NRXN3: variants seen among roughly 807,000 people sequenced by gnomAD.
NRXN3 encodes the protein neurexin 3, also known as neurexin III.
Under a neutral mutation model 137.6 loss-of-function variants are expected in NRXN3, and 32 were observed. That is an observed-to-expected ratio of 0.23 (90% CI 0.18 to 0.31). NRXN3 has a LOEUF of 0.31. NRXN3 is among the 10% of genes least tolerant of loss of function. The probability of loss-of-function intolerance (pLI) is 1.00; values close to 1 mark genes in which losing one functional copy is unlikely to be tolerated. For missense variants in NRXN3, 1,574 were observed against 2,062.5 expected, an observed-to-expected ratio of 0.76 and a Z score of 4.59; for synonymous variants, 798 against 784.5, an observed-to-expected ratio of 1.02 and a Z score of -0.29.
chr14:78,880,750 A>G lies in NRXN3; in HGVS notation c.2275+70406A>G, dbSNP rs189323402. ...ACAAGCAGGAAGCTATTGTGTATAT[A>G]TAAGTGTTATGTATTTACGCATATG... On this transcript the variant is annotated intron_variant, in intron 10 of 20. Transcript: ENST00000335750. Among the ~76,000 whole-genome samples, 510 of 152,288 alleles carry G rather than the reference A, an allele frequency of 3.3e-3. 2 individuals are homozygous for G. Among genetic ancestry groups the G allele is most frequent in the Non-Finnish European group, 5.3e-3 (358 of 68,036 alleles).
chr14:78,772,023 A>C (rs1462289935), intron 8 of NRXN3, among the ~76,000 whole-genome samples: 1 of 152,166 alleles, frequency 6.6e-6, no homozygotes, highest in African/African-American at 2.4e-5. Context: ...CCTTATATAC[A>C]TAGCTGGAAG....
intron 16 of NRXN3, among the ~76,000 whole-genome samples, chr14:79,649,051 G>T (rs1039574413): frequency 6.6e-6 from 1 of 152,212 alleles, no homozygotes; most frequent in East Asian, 1.9e-4. Flanking sequence ...AGGCCTGGTC[G>T]ATAAGTTTAG....
intron 15 of NRXN3, among the ~76,000 whole-genome samples, chr14:79,061,055 C>T (rs1214439268): frequency 1.3e-5 from 2 of 152,116 alleles, no homozygotes; most frequent in Non-Finnish European, 2.9e-5. Context: ...GTGGCTTATA[C>T]GTAGAAGTGG....
intron 4 of NRXN3, among the ~76,000 whole-genome samples, chr14:78,592,573 GA>G (rs2097126557): frequency 6.6e-6 from 1 of 152,200 alleles, no homozygotes; most frequent in Non-Finnish European, 1.5e-5. Flanking sequence ...AACGGTGAGA[GA>G]ATATAATTGT....
intron 16 of NRXN3, among the ~76,000 whole-genome samples, chr14:79,597,835 T>C (rs1406111212): frequency 6.6e-6 from 1 of 152,176 alleles, no homozygotes; most frequent in Non-Finnish European, 1.5e-5. Context: ...AGACATGGTG[T>C]TTGCAGTCAG....
intron 8 of NRXN3, among the ~76,000 whole-genome samples, chr14:78,752,744 T>C (rs560230845): frequency 6.6e-6 from 1 of 152,248 alleles, no homozygotes; most frequent in African/African-American, 2.4e-5. Context: ...CTAGTTCAGA[T>C]TGGCTGCAAT....
At chr14:78,207,343 T>C (rs1035345136) in intron 1 of NRXN3, among the ~76,000 whole-genome samples, 2 of 152,172 alleles carry the variant, frequency 1.3e-5, no homozygotes, top group African/African-American at 4.8e-5. Context: ...ACCTTTTCTC[T>C]CTGTGATATC....
At position 79,496,909 on chromosome 14, in the gene NRXN3, A is replaced by C. The variant is rs113531753; in HGVS notation, c.3444+29507A>C. Among the ~76,000 whole-genome samples the C allele has an allele frequency of 4.6e-5, 7 of 152,300 alleles. 2 individuals are homozygous for C. The highest frequency in any genetic ancestry group is 1.7e-4 in the African/African-American group (7 of 41,572). On this transcript the variant is annotated intron_variant, in intron 16 of 20. Transcript: ENST00000335750. ...GCATTAGTAATAGCAGTGGATATGA[A>C]TTGAGCCTTTGCCAGATGCTAAACA...
At chr14:79,197,007 T>C (rs1038141187) in intron 15 of NRXN3, among the ~76,000 whole-genome samples, 2 of 152,182 alleles carry the variant, frequency 1.3e-5, no homozygotes, top group African/African-American at 2.4e-5. Flanking sequence ...TCAGGTTATA[T>C]AGGCTTTGCT....
At chr14:78,586,743 G>C (rs965010312) in intron 4 of NRXN3, among the ~76,000 whole-genome samples, 1 of 152,228 alleles carries the variant, frequency 6.6e-6, no homozygotes, top group African/African-American at 2.4e-5. Flanking sequence ...GGACCTTGAA[G>C]AAGAGCCCTT....
At chr14:78,727,649 C>A (rs966458287) in intron 8 of NRXN3, among the ~76,000 whole-genome samples, 19 of 152,068 alleles carry the variant, frequency 1.2e-4, no homozygotes, top group Non-Finnish European at 2.9e-5. Flanking sequence ...ATAGGAGAAT[C>A]ACCTAAACCC....
intron 10 of NRXN3, among the ~76,000 whole-genome samples, chr14:78,872,396 TTTATC>T: frequency 6.6e-6 from 1 of 150,982 alleles, no homozygotes; most frequent in Admixed American, 6.6e-5. Context: ...AATCATTTCT[TTTATC>T]ATATTAATGA....
At chr14:78,416,159 T>G (rs562312454) in intron 4 of NRXN3, among the ~76,000 whole-genome samples, 35 of 152,306 alleles carry the variant, frequency 2.3e-4, no homozygotes, top group South Asian at 1.0e-3. Context: ...GCAGCCATAT[T>G]TGAAGACTAT....
chr14:79,100,853 A>G (rs1290745748), intron 15 of NRXN3, among the ~76,000 whole-genome samples: 1 of 152,188 alleles, frequency 6.6e-6, no homozygotes, highest in Non-Finnish European at 1.5e-5. Context: ...TTCTGGGCTC[A>G]TTAACCCACA....
chr14:78,869,842 A>G (rs1312191118), intron 10 of NRXN3, among the ~76,000 whole-genome samples: 7 of 152,138 alleles, frequency 4.6e-5, no homozygotes, highest in Non-Finnish European at 1.0e-4. Flanking sequence ...CATGATAAAT[A>G]TATGGGCCAC....
intron 8 of NRXN3, among the ~76,000 whole-genome samples, chr14:78,768,076 A>C (rs951640691): frequency 3.2e-5 from 4 of 123,312 alleles, no homozygotes; most frequent in African/African-American, 1.4e-4. Context: ...TGTGTTTACC[A>C]AAAAAAAAAA....
chr14:79,487,843 G>A (rs925487073), intron 16 of NRXN3, among the ~76,000 whole-genome samples: 1 of 152,294 alleles, frequency 6.6e-6, no homozygotes, highest in Admixed American at 6.5e-5. Context: ...TGTATTGTGA[G>A]AGGCTGAGAA....
At chr14:79,372,806 CTT>C (rs2094149343) in intron 15 of NRXN3, among the ~76,000 whole-genome samples, 1 of 152,094 alleles carries the variant, frequency 6.6e-6, no homozygotes, top group South Asian at 2.1e-4. Context: ...CCCAAAGAAA[CTT>C]GACATATTCG....
chr14:78,490,571 C>G (rs937178216), intron 4 of NRXN3, among the ~76,000 whole-genome samples: 1 of 152,052 alleles, frequency 6.6e-6, no homozygotes, highest in African/African-American at 2.4e-5. Context: ...AGCTTACTAC[C>G]CTTTAAGGAA....
Sources: gnomAD v4.1 joint callset for allele counts (sites outside exome capture counted in the v4.1 genomes callset) on GRCh38, gnomAD v4.1.1 for gene constraint, MANE v1.5 for transcripts, NCBI Gene and HGNC (gene_info 2026-07-23, HGNC 2026-07-21) for gene names.